The following UCHL5 variants were observed in gnomAD, a reference collection of about 807,000 sequenced individuals.
UCHL5 encodes the protein ubiquitin C-terminal hydrolase L5, also known as ubiquitin carboxyl-terminal hydrolase isozyme L5.
Under a neutral mutation model 53.8 loss-of-function variants are expected in UCHL5, and 34 were observed. The observed-to-expected ratio is 0.63, with a 90% CI of 0.48 to 0.84. The LOEUF (loss-of-function observed/expected upper bound fraction) is 0.84, where lower values mean the gene tolerates loss of function less well. UCHL5 is among the 40% of genes least tolerant of loss of function. The pLI is 0.00. For missense variants in UCHL5, 290 were observed against 385.6 expected (o/e 0.75, Z 2.08); for synonymous variants, 111 against 126.3 (o/e 0.88, Z 0.81).
At chr1:193,044,593 A>G (rs938913095) in intron 3 of UCHL5, among the ~76,000 whole-genome samples, 1 of 152,126 alleles carries the variant, frequency 6.6e-6, no homozygotes, top group Non-Finnish European at 1.5e-5. Flanking sequence ...TGATCAGCAC[A>G]AAATAGCCAG....
intron 3 of UCHL5, among the ~76,000 whole-genome samples, chr1:193,039,920 G>A (rs150720051): frequency 1.3e-5 from 2 of 152,116 alleles, no homozygotes; most frequent in Non-Finnish European, 2.9e-5. Flanking sequence ...CCAATAAATG[G>A]TTCTGGGAAA....
chr1:193,032,001 C>A (rs1661598657), intron 3 of UCHL5, among the ~76,000 whole-genome samples: 1 of 152,116 alleles, frequency 6.6e-6, no homozygotes, highest in Non-Finnish European at 1.5e-5. Context: ...AGGACTGACC[C>A]AGAACCTTAA....
chr1:193,035,153 A>T (rs1232898706), intron 3 of UCHL5, among the ~76,000 whole-genome samples: 3 of 152,092 alleles, frequency 2.0e-5, no homozygotes, highest in Non-Finnish European at 4.4e-5. Context: ...AAAAAAAACA[A>T]ATTATTAGTG....
chr1:193,059,633 C>T (rs1196988455), upstream of UCHL5: 1 of 1,401,248 alleles, frequency 7.1e-7, no homozygotes, highest in Non-Finnish European at 9.6e-7. The surrounding 1 kb of genome is among the most constrained non-coding windows in gnomAD (Gnocchi z 4.9). Context: ...GGAACCGAAC[C>T]TGGAATCCCC....
At chr1:193,057,357 CG>C (rs1670947313) in intron 1 of UCHL5, 1 of 161,386 alleles carries the variant, frequency 6.2e-6, no homozygotes, top group African/African-American at 2.4e-5. Context: ...TTTAATTTAG[CG>C]TGTTATGGAT....
intron 2 of UCHL5, among the ~76,000 whole-genome samples, chr1:193,051,476 TAA>T (rs375074775): frequency 1.3e-4 from 15 of 119,716 alleles, no homozygotes; most frequent in Admixed American, 2.6e-4. Flanking sequence ...GTGAATTTTG[TAA>T]AAAAAAAAAA....
At chr1:193,019,680 A>G (rs1656185017) in intron 10 of UCHL5, among the ~76,000 whole-genome samples, 1 of 151,728 alleles carries the variant, frequency 6.6e-6, no homozygotes, top group Admixed American at 6.6e-5. Flanking sequence ...TAATTATTCT[A>G]ATGTTAAGCT....
At chr1:193,032,932 G>T (rs972498831) in intron 3 of UCHL5, among the ~76,000 whole-genome samples, 1 of 152,216 alleles carries the variant, frequency 6.6e-6, no homozygotes, top group Non-Finnish European at 1.5e-5. Context: ...GTTGGTGGGA[G>T]TGTAAATTTG....
rs542122519 is a variant in UCHL5, at chr1:193,035,881, T to C, written c.247-6224A>G. ...AAAGTTAAAGTGTAGAGTTTTTTTC[T>C]TTGCTTCTATTCTTTTCTTTATAAT... On this transcript the variant is annotated intron_variant, in intron 3 of 10. Transcript: ENST00000367454. Among the ~76,000 whole-genome samples, 6 of 152,196 alleles carry C rather than the reference T, an allele frequency of 3.9e-5. No individual in the cohort carries two copies. The South Asian group carries it at 1.2e-3, about 32-fold the overall frequency.
chr1:193,018,629 T>G, intron 10 of UCHL5: 1 of 1,254,554 alleles, frequency 8.0e-7, no homozygotes, highest in Non-Finnish European at 1.0e-6. Flanking sequence ...TTTTTATTTA[T>G]TATTTTGCAA....
intron 7 of UCHL5, among the ~76,000 whole-genome samples, chr1:193,025,570 G>T (rs1221324794): frequency 6.6e-6 from 1 of 152,144 alleles, no homozygotes; most frequent in African/African-American, 2.4e-5. Context: ...CAGAAACTCT[G>T]CTGGGGGCTA....
chr1:193,049,925 T>C (rs1340172880), intron 2 of UCHL5, 74 bp from the exon 3 acceptor site: 1 of 1,283,914 alleles, frequency 7.8e-7, no homozygotes, highest in South Asian at 1.6e-5. Context: ...TATAAAATTT[T>C]AGTCAGTTAT....
At chr1:193,025,486 A>C (rs1658829608) in intron 7 of UCHL5, among the ~76,000 whole-genome samples, 1 of 152,238 alleles carries the variant, frequency 6.6e-6, no homozygotes, top group Non-Finnish European at 1.5e-5. Flanking sequence ...GTGGCAAAGT[A>C]GCCTCATCCA....
chr1:193,050,222 A>G (rs907584737), intron 2 of UCHL5, among the ~76,000 whole-genome samples: 2 of 152,212 alleles, frequency 1.3e-5, no homozygotes, highest in Admixed American at 1.3e-4. Flanking sequence ...TTGATAGCAT[A>G]TATTATCTAT....
chr1:193,034,496 A>C (rs1241340453), intron 3 of UCHL5, among the ~76,000 whole-genome samples: 2 of 152,108 alleles, frequency 1.3e-5, no homozygotes, highest in Non-Finnish European at 2.9e-5. Context: ...ACATGGATAT[A>C]CAGGTCAATT....
intron 7 of UCHL5, among the ~76,000 whole-genome samples, chr1:193,026,874 C>T (rs576720230): frequency 1.4e-4 from 21 of 152,010 alleles, no homozygotes; most frequent in African/African-American, 5.1e-4. Context: ...GATGAAGAGG[C>T]AAAAAGCTGG....
intron 3 of UCHL5, among the ~76,000 whole-genome samples, chr1:193,038,689 C>T (rs1228226574): frequency 2.6e-5 from 4 of 152,020 alleles, no homozygotes; most frequent in African/African-American, 9.7e-5. Context: ...AACTGATAAA[C>T]GAGTTCAGTA....
intron 3 of UCHL5, among the ~76,000 whole-genome samples, chr1:193,032,835 T>C (rs1420501521): frequency 2.0e-5 from 3 of 152,196 alleles, no homozygotes; most frequent in Non-Finnish European, 4.4e-5. Context: ...AGATACCATC[T>C]CACGCCAGTT....
chr1:193,029,643 A>G lies in UCHL5; in HGVS notation c.261T>C (p.Ala87=), dbSNP rs772673461. The change falls in exon 4 of 11, where the codon GCT becomes GCC. Residue 87 remains alanine, a synonymous_variant. Coordinates refer to ENST00000367454, the MANE Select transcript of UCHL5 (RefSeq NM_001199261.3). ...IFFAKQVINN[A]CATQAIVSVL... Reference sequence around the variant, plus strand: ...CACTCACTATGGCTTGAGTAGCACAAGCATTATTAATTACCTATAAAATAT... The same window carrying G: ...CACTCACTATGGCTTGAGTAGCACAGGCATTATTAATTACCTATAAAATAT... The G allele has an allele frequency of 6.2e-7, 1 of 1,602,280 alleles. No individual in the cohort carries two copies. The highest frequency in any genetic ancestry group is 8.5e-7 in the Non-Finnish European group (1 of 1,176,076).
Sources: gnomAD v4.1 joint callset for allele counts (sites outside exome capture counted in the v4.1 genomes callset) on GRCh38, gnomAD v4.1.1 for gene constraint, Gnocchi (gnomAD v3.1) non-coding constraint, MANE v1.5 for transcripts, NCBI Gene and HGNC (gene_info 2026-07-23, HGNC 2026-07-21) for gene names.